The following LRRC4C variants were observed in gnomAD, a reference collection of about 807,000 sequenced individuals.
The protein encoded by LRRC4C is leucine-rich repeat-containing protein 4C.
LRRC4C carries 5 observed loss-of-function variants against 33.6 expected under a neutral mutation model. The ratio of observed to expected loss-of-function variants is 0.15; its 90% CI spans 0.08 to 0.31. The LOEUF is 0.31. Ranked by LOEUF, LRRC4C falls within the 10% of genes least tolerant of loss-of-function variation. The pLI is 1.00. For synonymous variants in LRRC4C, 329 were observed against 302.0 expected (o/e 1.09, Z -0.93); for missense variants, 560 against 796.7 (o/e 0.70, Z 3.58).
chr11:40,447,843 G>A (rs1211275310), intron 3 of LRRC4C, among the ~76,000 whole-genome samples: 2 of 152,144 alleles, frequency 1.3e-5, no homozygotes, highest in Non-Finnish European at 2.9e-5. Context: ...TTGAGACTGA[G>A]TCTCGCTCTG....
intron 1 of LRRC4C, among the ~76,000 whole-genome samples, chr11:41,223,962 C>T (rs1340460078): frequency 6.6e-6 from 1 of 152,160 alleles, no homozygotes; most frequent in African/African-American, 2.4e-5. Flanking sequence ...TGATTTATTC[C>T]ATCTCTGTGT....
chr11:41,087,622 C>G (rs975580116), intron 1 of LRRC4C, among the ~76,000 whole-genome samples: 1 of 152,096 alleles, frequency 6.6e-6, no homozygotes, highest in Non-Finnish European at 1.5e-5. Flanking sequence ...TGCCACTACT[C>G]CCATTAATTA....
At chr11:41,127,893 T>A (rs1836261525) in intron 1 of LRRC4C, among the ~76,000 whole-genome samples, 1 of 152,054 alleles carries the variant, frequency 6.6e-6, no homozygotes, top group African/African-American at 2.4e-5. Flanking sequence ...CTACTGGGAT[T>A]TGGGGATGTT....
chr11:41,433,411 A>G (rs1955310899), intron 1 of LRRC4C, among the ~76,000 whole-genome samples: 1 of 152,110 alleles, frequency 6.6e-6, no homozygotes, highest in Non-Finnish European at 1.5e-5. Context: ...TTGGGCTTCT[A>G]TAGTGTGATG....
At chr11:41,301,448 G>C (rs1399661957) in intron 1 of LRRC4C, among the ~76,000 whole-genome samples, 12 of 152,212 alleles carry the variant, frequency 7.9e-5, no homozygotes. Flanking sequence ...AAAACCAAAA[G>C]AGTTTTGTAT....
chr11:40,175,965 G>A (rs1860447760), intron 5 of LRRC4C, among the ~76,000 whole-genome samples: 1 of 152,126 alleles, frequency 6.6e-6, no homozygotes, highest in Non-Finnish European at 1.5e-5. Flanking sequence ...GGCTGAGTAA[G>A]AAGCCTTGCC....
intron 2 of LRRC4C, among the ~76,000 whole-genome samples, chr11:40,901,999 TACACACACAC>T (rs369525560): frequency 0.023 from 3,251 of 139,804 alleles, 135 homozygotes; most frequent in African/African-American, 0.076. Flanking sequence ...TCTCTCTCTC[TACACACACAC>T]ACACACACAC....
At chr11:40,969,497 T>C (rs1409669483) in intron 1 of LRRC4C, among the ~76,000 whole-genome samples, 1 of 151,182 alleles carries the variant, frequency 6.6e-6, no homozygotes, top group Non-Finnish European at 1.5e-5. Context: ...AAAGGTAGTG[T>C]CAGTTGGTGG....
At chr11:40,594,431 G>A (rs557381663) in intron 3 of LRRC4C, among the ~76,000 whole-genome samples, 4 of 152,296 alleles carry the variant, frequency 2.6e-5, no homozygotes. Flanking sequence ...TTTGATTCCA[G>A]TTTTCTTTTA....
At chr11:40,777,499 G>GTT (rs57851988) in intron 2 of LRRC4C, among the ~76,000 whole-genome samples, 7 of 137,644 alleles carry the variant, frequency 5.1e-5, no homozygotes, top group African/African-American at 1.1e-4. Context: ...CTTTTTTACT[G>GTT]TTTTTTTTTT....
intron 3 of LRRC4C, among the ~76,000 whole-genome samples, chr11:40,458,776 C>T (rs915605304): frequency 1.3e-5 from 2 of 152,102 alleles, no homozygotes; most frequent in Admixed American, 1.3e-4. Context: ...GATGTCAACC[C>T]CTCTTAAATG....
intron 5 of LRRC4C, among the ~76,000 whole-genome samples, chr11:40,141,472 T>C (rs1857363657): frequency 6.6e-6 from 1 of 152,176 alleles, no homozygotes; most frequent in South Asian, 2.1e-4. Flanking sequence ...GAGAGAGAGC[T>C]CACATTTTAC....
intron 4 of LRRC4C, among the ~76,000 whole-genome samples, chr11:40,280,657 C>T (rs1158534444): frequency 1.3e-5 from 2 of 152,144 alleles, no homozygotes; most frequent in Admixed American, 6.5e-5. Context: ...GCTAATCCTT[C>T]CACTGGTTAA....
chr11:40,250,695 C>T (rs561073738), intron 4 of LRRC4C, among the ~76,000 whole-genome samples: 2 of 151,924 alleles, frequency 1.3e-5, no homozygotes, highest in Non-Finnish European at 2.9e-5. Flanking sequence ...GCCGAGATTG[C>T]GCCACTGTAC....
intron 3 of LRRC4C, among the ~76,000 whole-genome samples, chr11:40,395,916 G>A (rs1949519931): frequency 6.6e-6 from 1 of 152,086 alleles, no homozygotes; most frequent in South Asian, 2.1e-4. Context: ...GAACCTGGGA[G>A]TCGGAGGTTG....
chr11:40,663,487 T>C (rs915215009), intron 2 of LRRC4C, among the ~76,000 whole-genome samples: 10 of 152,170 alleles, frequency 6.6e-5, no homozygotes, highest in African/African-American at 2.4e-4. Context: ...ACATTTTCTA[T>C]TATAAGACAG....
intron 3 of LRRC4C, among the ~76,000 whole-genome samples, chr11:40,449,922 G>A (rs1371673965): frequency 6.6e-6 from 1 of 152,132 alleles, no homozygotes; most frequent in Non-Finnish European, 1.5e-5. Flanking sequence ...GAGAACATGA[G>A]GAGTGTGAAA....
In LRRC4C at chr11:40,187,329, T is replaced by C. The variant is rs1203309297; in HGVS notation, c.-95-46476A>G. 4.8e-5 allele frequency among the ~76,000 whole-genome samples: 7 copies of C among 145,724 alleles called. No homozygotes were observed. In the East Asian group the frequency reaches 1.2e-3, roughly 25 times the overall value. ...CCTTTCGGGAGAAAATTTTCTTTCT[T>C]TTTTTTTTTTTTGAGCTGCTGAATC... On this transcript the variant is annotated intron_variant, in intron 5 of 6. Transcript: ENST00000528697.
intron 2 of LRRC4C, among the ~76,000 whole-genome samples, chr11:40,929,033 T>G (rs1237077635): frequency 6.6e-6 from 1 of 152,228 alleles, no homozygotes; most frequent in Non-Finnish European, 1.5e-5. Flanking sequence ...TATTAAAAAG[T>G]GTTCAGAGAC....
Sources: allele counts gnomAD v4.1 joint callset (sites outside exome capture counted in the v4.1 genomes callset), GRCh38; gene constraint gnomAD v4.1.1; transcripts MANE v1.5; gene names NCBI Gene and HGNC (gene_info 2026-07-23, HGNC 2026-07-21).